The following DNAJC12 variants were observed in gnomAD, a reference collection of about 807,000 sequenced individuals.
DNAJC12 encodes dnaJ homolog subfamily C member 12.
A neutral mutation model predicts 28.5 loss-of-function variants in DNAJC12; 25 were observed. The observed-to-expected ratio is 0.88, with a 90% CI of 0.64 to 1.22. The LOEUF (loss-of-function observed/expected upper bound fraction) is 1.22. Ranked by LOEUF, DNAJC12 falls within the 50% of genes most tolerant of loss-of-function variation. The probability of loss-of-function intolerance (pLI) is 0.00; values close to 1 mark genes in which losing one functional copy is unlikely to be tolerated. For synonymous variants in DNAJC12, 77 were observed against 80.6 expected, an observed-to-expected ratio of 0.95 and a Z score of 0.24; for missense variants, 222 against 231.7, an observed-to-expected ratio of 0.96 and a Z score of 0.27.
rs1564863478 is a variant in DNAJC12, at chr10:67,819,753, A to AGGAG, written c.157+3560_157+3561insCTCC. On this transcript the variant is annotated intron_variant, in intron 2 of 4. Transcript: ENST00000225171. ...AAGGAAGGAAGGAAGGAAGGAAGGA[A>AGGAG]GGAAGGAAGGAAGGAAGGAAGGAAG... Among the ~76,000 whole-genome samples the AGGAG allele has an allele frequency of 3.2e-3, 66 of 20,416 alleles. 2 individuals carry two copies. Among genetic ancestry groups the AGGAG allele is most frequent in the African/African-American group, 0.01 (59 of 5,742 alleles). The allele number at this position is 20,416 out of a possible 152,430, so 13.4% of individuals were successfully genotyped here.
intron 1 of DNAJC12, among the ~76,000 whole-genome samples, chr10:67,837,041 A>G (rs957249854): frequency 1.3e-5 from 2 of 151,516 alleles, no homozygotes; most frequent in African/African-American, 4.8e-5. Flanking sequence ...ATATTTAACA[A>G]TAAGAGAATA....
At chr10:67,812,452 G>A (rs562896061) in intron 2 of DNAJC12, among the ~76,000 whole-genome samples, 1 of 152,174 alleles carries the variant, frequency 6.6e-6, no homozygotes, top group African/African-American at 2.4e-5. Flanking sequence ...TTGACCAGAT[G>A]GTATATAATA....
chr10:67,801,757 T>A (rs936066139), intron 4 of DNAJC12, among the ~76,000 whole-genome samples: 1 of 124,790 alleles, frequency 8.0e-6, no homozygotes, highest in African/African-American at 3.1e-5. Flanking sequence ...GCCACTGCAC[T>A]CCAGCCTGGG....
At chr10:67,809,336 C>T (rs1841836022) in intron 3 of DNAJC12, among the ~76,000 whole-genome samples, 1 of 152,078 alleles carries the variant, frequency 6.6e-6, no homozygotes, top group Non-Finnish European at 1.5e-5. Context: ...CCCTAAGATT[C>T]TCTGGAATCC....
At chr10:67,827,474 G>A in intron 1 of DNAJC12, 1 of 152,156 alleles carries the variant, frequency 6.6e-6, no homozygotes. Flanking sequence ...ATTATCTGAG[G>A]TCAGGAGTTA....
intron 1 of DNAJC12, among the ~76,000 whole-genome samples, chr10:67,835,716 T>TCACACA (rs1842135770): frequency 1.8e-5 from 1 of 54,874 alleles, no homozygotes; most frequent in Non-Finnish European, 3.1e-5. Flanking sequence ...AGAGAAAAAA[T>TCACACA]GACACACACA....
Position 67,797,220 on chromosome 10 carries a change from A to G in DNAJC12, c.503-10T>C. 1 of 1,609,176 alleles carries G rather than the reference A, an allele frequency of 6.2e-7. No individual in the cohort carries two copies. ...TTCACATCTGCAAAACCTTTAAAGG[A>G]AAGAAAGTAAATATTTAAAATCAGA... On this transcript the variant is annotated splice_polypyrimidine_tract_variant and intron_variant, in intron 4 of 4. Transcript: ENST00000225171.
chr10:67,797,255 A>C (rs979790325), intron 4 of DNAJC12, 45 bp from the exon 5 acceptor site: 2 of 1,541,528 alleles, frequency 1.3e-6, no homozygotes, highest in Admixed American at 3.5e-5. Context: ...AAGTAGGAAA[A>C]GTCGATCTTG....
At chr10:67,810,889 A>G (rs1841852308) in intron 3 of DNAJC12, 1 of 152,258 alleles carries the variant, frequency 6.6e-6, no homozygotes, top group South Asian at 2.1e-4. Context: ...GAATCTAGGT[A>G]ATAAATCATG....
chr10:67,836,314 A>G (rs1244371307), intron 1 of DNAJC12, among the ~76,000 whole-genome samples: 1 of 151,518 alleles, frequency 6.6e-6, no homozygotes, highest in Non-Finnish European at 1.5e-5. Context: ...ATGTGTATCT[A>G]TGTAACAAAC....
rs559340183 is a variant in DNAJC12 at position 67,797,802 on chromosome 10, A to T, written c.503-592T>A. Among the ~76,000 whole-genome samples the T allele has an allele frequency of 1.8e-3, 280 of 152,304 alleles. 2 individuals carry two copies. The highest frequency in any genetic ancestry group is 0.018 in the South Asian group (86 of 4,828). The stretch of plus-strand genomic sequence containing the variant: ...ACGCCTGTAATCCCAGCACTTTGGG[A>T]GGCCAAGGCGGGCGGATCACGAGGT... On this transcript the variant is annotated intron_variant, in intron 4 of 4. Coordinates refer to ENST00000225171, the MANE Select transcript of DNAJC12 (RefSeq NM_021800.3).
At chr10:67,809,828 T>C (rs1841841134) in intron 3 of DNAJC12, among the ~76,000 whole-genome samples, 1 of 152,082 alleles carries the variant, frequency 6.6e-6, no homozygotes, top group Non-Finnish European at 1.5e-5. Flanking sequence ...TATAATGGAC[T>C]TTGGAGACTC....
At chr10:67,815,082 G>A (rs1342403507) in intron 2 of DNAJC12, among the ~76,000 whole-genome samples, 3 of 152,104 alleles carry the variant, frequency 2.0e-5, no homozygotes, top group Admixed American at 6.5e-5. Context: ...AGCCAAAAGT[G>A]AAAATAACAC....
At chr10:67,815,147 AATT>A (rs1214557214) in intron 2 of DNAJC12, among the ~76,000 whole-genome samples, 5 of 152,222 alleles carry the variant, frequency 3.3e-5, no homozygotes, top group Admixed American at 6.5e-5. Context: ...CACCTAAAAG[AATT>A]ATCATCCAGC....
At chr10:67,798,121 T>C (rs1427179230) in intron 4 of DNAJC12, among the ~76,000 whole-genome samples, 1 of 151,908 alleles carries the variant, frequency 6.6e-6, no homozygotes, top group Non-Finnish European at 1.5e-5. Context: ...TAATAATGGA[T>C]GCACCCAACG....
chr10:67,837,793 C>A, intron 1 of DNAJC12, 141 bp downstream of exon 1: 1 of 579,292 alleles, frequency 1.7e-6, no homozygotes, highest in Non-Finnish European at 2.9e-6. Flanking sequence ...TTTCTCTGAG[C>A]CAAAAGTGCT....
At chr10:67,826,025 G>A (rs922769149) in intron 1 of DNAJC12, among the ~76,000 whole-genome samples, 22 of 151,926 alleles carry the variant, frequency 1.4e-4, no homozygotes, top group Admixed American at 2.6e-4. Context: ...AACTCTCTTT[G>A]AAAAACGTTC....
intron 2 of DNAJC12, among the ~76,000 whole-genome samples, chr10:67,822,792 G>A (rs561967946): frequency 3.3e-5 from 5 of 151,890 alleles, no homozygotes; most frequent in Admixed American, 6.6e-5. Flanking sequence ...GTTCGAAACC[G>A]GCCTGCCCAA....
intron 1 of DNAJC12, among the ~76,000 whole-genome samples, chr10:67,832,977 A>T (rs1842108285): frequency 6.6e-6 from 1 of 152,168 alleles, no homozygotes; most frequent in Non-Finnish European, 1.5e-5. Flanking sequence ...CCTCAATCTA[A>T]TCATGAGAAA....
Sources: gnomAD v4.1 joint callset for allele counts (sites outside exome capture counted in the v4.1 genomes callset) on GRCh38, gnomAD v4.1.1 for gene constraint, MANE v1.5 for transcripts, NCBI Gene and HGNC (gene_info 2026-07-23, HGNC 2026-07-21) for gene names.